DOCK3: variants seen among roughly 807,000 people sequenced by gnomAD.
The protein encoded by DOCK3 is dedicator of cytokinesis 3.
Under a neutral mutation model 265.6 loss-of-function variants are expected in DOCK3, and 60 were observed. The ratio of observed to expected loss-of-function variants is 0.23; its 90% CI spans 0.18 to 0.28. DOCK3 has a LOEUF of 0.28. Ranked by LOEUF, DOCK3 falls within the 10% of genes least tolerant of loss-of-function variation. The pLI, the probability that DOCK3 is intolerant of heterozygous loss-of-function variation, is 1.00. For missense variants in DOCK3, 1,981 were observed against 2,594.3 expected (o/e 0.76, Z 5.14); for synonymous variants, 881 against 938.0 (o/e 0.94, Z 1.11).
intron 27 of DOCK3, among the ~76,000 whole-genome samples, chr3:51,294,960 T>C (rs1486300836): frequency 1.3e-5 from 2 of 152,208 alleles, no homozygotes; most frequent in African/African-American, 4.8e-5. Context: ...AATTTGTTCA[T>C]TCCACAATGT....
intron 16 of DOCK3, 55 bp from the exon 17 acceptor site, chr3:51,227,927 C>T: frequency 6.5e-7 from 1 of 1,550,380 alleles, no homozygotes; most frequent in Non-Finnish European, 8.9e-7. Flanking sequence ...GGAGAATTTC[C>T]ATGAGGAAGC....
At chr3:50,866,418 G>A (rs1452958963) in intron 3 of DOCK3, among the ~76,000 whole-genome samples, 1 of 151,928 alleles carries the variant, frequency 6.6e-6, no homozygotes, top group African/African-American at 2.4e-5. Context: ...CAGGGAGTCA[G>A]AGGTTGTGGT....
chr3:50,833,141 A>C (rs1157248153), intron 2 of DOCK3, among the ~76,000 whole-genome samples: 2 of 152,144 alleles, frequency 1.3e-5, no homozygotes, highest in African/African-American at 4.8e-5. Flanking sequence ...ATATTGATAC[A>C]GAGTTTTGCA....
intron 5 of DOCK3, among the ~76,000 whole-genome samples, chr3:51,047,536 G>T (rs945761176): frequency 5.3e-5 from 8 of 151,868 alleles, no homozygotes; most frequent in Non-Finnish European, 1.0e-4. Flanking sequence ...AAAAGAGAGA[G>T]AAGACTCATA....
At chr3:50,982,655 G>C in intron 5 of DOCK3, among the ~76,000 whole-genome samples, 1 of 152,212 alleles carries the variant, frequency 6.6e-6, no homozygotes, top group African/African-American at 2.4e-5. Flanking sequence ...GGCAGTGCTA[G>C]GCTCCACGGA....
intron 13 of DOCK3, among the ~76,000 whole-genome samples, chr3:51,211,667 A>T (rs1165773986): frequency 6.6e-6 from 1 of 152,094 alleles, no homozygotes; most frequent in Non-Finnish European, 1.5e-5. Context: ...AGCTTCATCC[A>T]TGTCCCTACA....
At chr3:50,779,626 C>T (rs183428921) in intron 2 of DOCK3, among the ~76,000 whole-genome samples, 30 of 152,232 alleles carry the variant, frequency 2.0e-4, no homozygotes, top group African/African-American at 5.8e-4. Flanking sequence ...TCAGCTGATC[C>T]GCCTACATCA....
At chr3:50,764,383 A>G (rs1198842039) in intron 1 of DOCK3, among the ~76,000 whole-genome samples, 1 of 152,220 alleles carries the variant, frequency 6.6e-6, no homozygotes, top group Non-Finnish European at 1.5e-5. Flanking sequence ...TTATAGGCAT[A>G]CAGAATTTAT....
rs1479504322 is a variant in DOCK3, at chr3:51,274,801, A to G, written c.2549-278A>G. Reference sequence around the variant, plus strand: ...GTTTCCAAAAAAAGATACTTCATTTAGAAGCAGACTCCTAACATTCATCCT... The same window carrying G: ...GTTTCCAAAAAAAGATACTTCATTTGGAAGCAGACTCCTAACATTCATCCT... On this transcript the variant is annotated intron_variant, in intron 24 of 52. Coordinates refer to ENST00000266037, the MANE Select transcript of DOCK3 (RefSeq NM_004947.5). Among the ~76,000 whole-genome samples, 3 of 152,162 alleles carry G rather than the reference A, an allele frequency of 2.0e-5. No individual in the cohort carries two copies. The East Asian group carries it at 5.8e-4, about 29-fold the overall frequency.
Position 50,868,176 on chromosome 3 carries a change from C to T in DOCK3, c.163-21850C>T, listed in dbSNP as rs148711136. On this transcript the variant is annotated intron_variant, in intron 3 of 52. Coordinates refer to ENST00000266037, the MANE Select transcript of DOCK3 (RefSeq NM_004947.5). ...ACAACCTCCACCTCCCAGGTTCAAG[C>T]GATTCTCCTGTCTCAGCCTCCTGAG... Among the ~76,000 whole-genome samples, 1,152 of 151,880 alleles carry T rather than the reference C, an allele frequency of 7.6e-3. 17 individuals are homozygous for T. The highest frequency in any genetic ancestry group is 0.027 in the African/African-American group (1,104 of 41,408).
intron 40 of DOCK3, among the ~76,000 whole-genome samples, chr3:51,353,918 T>TCCAGC (rs1255310870): frequency 1.3e-5 from 2 of 152,124 alleles, no homozygotes; most frequent in African/African-American, 4.8e-5. Flanking sequence ...GGGAACTTCC[T>TCCAGC]CCAGCCACCC....
chr3:50,711,387 G>A (rs1280948309), intron 1 of DOCK3, among the ~76,000 whole-genome samples: 1 of 151,008 alleles, frequency 6.6e-6, no homozygotes, highest in East Asian at 1.9e-4. Flanking sequence ...TCAGCCTCCC[G>A]AGTAGCTGGG....
chr3:50,875,587 A>G (rs1413681370), intron 3 of DOCK3, among the ~76,000 whole-genome samples: 3 of 152,110 alleles, frequency 2.0e-5, no homozygotes, highest in Admixed American at 6.5e-5. Flanking sequence ...GATTTTGTTG[A>G]TGTGATATAT....
chr3:50,777,561 A>G (rs776870766), intron 1 of DOCK3, among the ~76,000 whole-genome samples: 4 of 152,020 alleles, frequency 2.6e-5, no homozygotes, highest in Non-Finnish European at 5.9e-5. Context: ...ATATGTTTCC[A>G]TTTGTTTGTG....
chr3:51,212,431 GTTT>G (rs1198836971), intron 13 of DOCK3, among the ~76,000 whole-genome samples: 6 of 112,254 alleles, frequency 5.3e-5, no homozygotes, highest in Non-Finnish European at 3.8e-5. Flanking sequence ...TACACCCACT[GTTT>G]TTTTTTTTTT....
intron 37 of DOCK3, 118 bp from the exon 38 acceptor site, chr3:51,341,119 C>A: frequency 1.6e-6 from 2 of 1,270,518 alleles, no homozygotes; most frequent in East Asian, 2.6e-5. Context: ...GTGTCCCCGA[C>A]CTGGGCTGCA....
intron 3 of DOCK3, chr3:50,877,662 T>G: frequency 2.7e-6 from 1 of 369,304 alleles, no homozygotes; most frequent in East Asian, 7.6e-5. Context: ...TTTCTTTTCT[T>G]TTCTTTTCTT....
At chr3:50,734,325 C>A (rs986578252) in intron 1 of DOCK3, among the ~76,000 whole-genome samples, 4 of 151,628 alleles carry the variant, frequency 2.6e-5, no homozygotes, top group Non-Finnish European at 5.9e-5. Flanking sequence ...CAACATAGAC[C>A]CCATCTGTAC....
intron 27 of DOCK3, among the ~76,000 whole-genome samples, chr3:51,288,095 TAAG>T (rs777980399): frequency 1.5e-4 from 23 of 152,152 alleles, no homozygotes; most frequent in Admixed American, 1.4e-3. Flanking sequence ...CTCATGGACA[TAAG>T]AAGAGAACAA....
Sources: allele counts gnomAD v4.1 joint callset (sites outside exome capture counted in the v4.1 genomes callset), GRCh38; gene constraint gnomAD v4.1.1; transcripts MANE v1.5; gene names NCBI Gene and HGNC (gene_info 2026-07-23, HGNC 2026-07-21).